The following PAK5 variants were observed in gnomAD, a reference collection of about 807,000 sequenced individuals.
The protein encoded by PAK5 is p21 (RAC1) activated kinase 5.
PAK5 carries 16 observed loss-of-function variants against 65.9 expected under a neutral mutation model. The observed-to-expected ratio is 0.24, with a 90% CI of 0.16 to 0.37. The LOEUF (loss-of-function observed/expected upper bound fraction) is 0.37, where lower values mean the gene tolerates loss of function less well. PAK5 is among the 10% of genes least tolerant of loss of function. The probability of loss-of-function intolerance (pLI) is 1.00; values close to 1 mark genes in which losing one functional copy is unlikely to be tolerated. For synonymous variants in PAK5, 371 were observed against 354.9 expected (o/e 1.05, Z -0.51); for missense variants, 785 against 903.9 (o/e 0.87, Z 1.69).
chr20:9,575,991 TTA>T (rs536041521), intron 4 of PAK5, among the ~76,000 whole-genome samples: 63 of 152,286 alleles, frequency 4.1e-4, no homozygotes, highest in African/African-American at 1.5e-3. Flanking sequence ...ATTGCAAAGA[TTA>T]AGTTGAGTCA....
chr20:9,696,516 A>G (rs2047871904), intron 2 of PAK5, among the ~76,000 whole-genome samples: 1 of 152,124 alleles, frequency 6.6e-6, no homozygotes, highest in Non-Finnish European at 1.5e-5. Flanking sequence ...ATCATCTCAC[A>G]TCTTCCAAAT....
chr20:9,566,132 T>A lies in PAK5; in HGVS notation c.1243A>T (p.Ser415Cys). 2 of 1,613,858 alleles carry A rather than the reference T, an allele frequency of 1.2e-6. No homozygotes were observed. Among genetic ancestry groups the A allele is most frequent in the South Asian group, 2.2e-5 (2 of 91,074 alleles). ...TGCTGGTCGGAGGAGGAGCCCCAGC[T>A]GGGCGGCGGGTAGGTGCTGGATGAG... is the stretch of plus-strand genomic sequence containing the variant. ...SLSSSTYPPP[S>C]WGSSSDQQPS... Residue 415 changes from serine to cysteine, a missense_variant, in exon 5 of 10, where the codon AGC becomes TGC. Coordinates refer to ENST00000353224, the MANE Select transcript of PAK5 (RefSeq NM_177990.4).
At chr20:9,821,936 T>A (rs886504025) in intron 1 of PAK5, among the ~76,000 whole-genome samples, 1 of 152,176 alleles carries the variant, frequency 6.6e-6, no homozygotes. Context: ...TTTTTGGGGA[T>A]ATAGAGTTCC....
At chr20:9,747,895 T>C (rs1452507873) in intron 1 of PAK5, among the ~76,000 whole-genome samples, 6 of 151,632 alleles carry the variant, frequency 4.0e-5, no homozygotes, top group Admixed American at 3.3e-4. Flanking sequence ...GAAGTCAAAT[T>C]GTCCCTGTTT....
intron 1 of PAK5, among the ~76,000 whole-genome samples, chr20:9,810,647 A>G (rs2049288115): frequency 6.6e-6 from 1 of 152,250 alleles, no homozygotes; most frequent in South Asian, 2.1e-4. Flanking sequence ...CCAAATTTAA[A>G]TAATACTTTG....
rs74715495 is a variant in PAK5, at chr20:9,588,706, T to C, written c.205-7776A>G. Among the ~76,000 whole-genome samples the C allele has an allele frequency of 3.0e-3, 457 of 152,222 alleles. 2 individuals carry two copies. Among genetic ancestry groups the C allele is most frequent in the African/African-American group, 0.011 (440 of 41,534 alleles). ...TCTCTGGTGTTCATTAAAGCAAAAT[T>C]GTGCACTTTTATAGAGATCAATAAT... On this transcript the variant is annotated intron_variant, in intron 3 of 9. Coordinates refer to ENST00000353224, the MANE Select transcript of PAK5 (RefSeq NM_177990.4).
At chr20:9,620,491 A>T (rs1053243654) in intron 3 of PAK5, among the ~76,000 whole-genome samples, 25 of 152,284 alleles carry the variant, frequency 1.6e-4, no homozygotes. Context: ...GGGCAGTTGG[A>T]CCAGCAAGGC....
chr20:9,712,948 T>C (rs2048095420), intron 1 of PAK5, among the ~76,000 whole-genome samples: 1 of 152,094 alleles, frequency 6.6e-6, no homozygotes, highest in South Asian at 2.1e-4. Context: ...TTACAAGACA[T>C]TGGTCTAGGC....
intron 7 of PAK5, among the ~76,000 whole-genome samples, chr20:9,554,897 C>A (rs977851574): frequency 2.5e-4 from 38 of 152,134 alleles, no homozygotes; most frequent in African/African-American, 8.9e-4. Flanking sequence ...GCCACAGGGT[C>A]CAGTCCCCCA....
At chr20:9,607,901 G>C (rs1427280659) in intron 3 of PAK5, among the ~76,000 whole-genome samples, 1 of 152,150 alleles carries the variant, frequency 6.6e-6, no homozygotes, top group Non-Finnish European at 1.5e-5. Context: ...AGTCGATTTA[G>C]ACTGCTTTAA....
chr20:9,659,748 GTTTC>G (rs1285142502), intron 2 of PAK5, among the ~76,000 whole-genome samples: 2 of 152,056 alleles, frequency 1.3e-5, no homozygotes, highest in African/African-American at 4.8e-5. Flanking sequence ...GGTTTTGTTT[GTTTC>G]TTTCTTTTAA....
chr20:9,613,293 C>G (rs1360779789), intron 3 of PAK5, among the ~76,000 whole-genome samples: 1 of 152,232 alleles, frequency 6.6e-6, no homozygotes, highest in Non-Finnish European at 1.5e-5. Flanking sequence ...GCAAACTGCT[C>G]CTCCAAATTT....
At chr20:9,565,810 C>T (rs2045665964) in intron 5 of PAK5, 83 bp downstream of exon 5, 28 of 1,369,100 alleles carry the variant, frequency 2.0e-5, no homozygotes, top group South Asian at 9.5e-5. Context: ...TTCTAATGTC[C>T]TAAAATGTAC....
intron 7 of PAK5, among the ~76,000 whole-genome samples, chr20:9,556,350 T>C (rs894371633): frequency 6.6e-6 from 1 of 152,214 alleles, no homozygotes; most frequent in Non-Finnish European, 1.5e-5. Context: ...TTACTACATT[T>C]TCTACAATAA....
chr20:9,585,370 C>T (rs2123040424), intron 3 of PAK5, among the ~76,000 whole-genome samples: 1 of 152,254 alleles, frequency 6.6e-6, no homozygotes, highest in South Asian at 2.1e-4. Context: ...GATTTGAACC[C>T]AAGTCTCCTT....
intron 4 of PAK5, among the ~76,000 whole-genome samples, chr20:9,571,325 C>T (rs1171939929): frequency 6.6e-6 from 1 of 152,178 alleles, no homozygotes; most frequent in Non-Finnish European, 1.5e-5. Flanking sequence ...ATCACCAGCC[C>T]ACACACTTTC....
intron 2 of PAK5, among the ~76,000 whole-genome samples, chr20:9,673,859 C>A (rs532304220): frequency 1.2e-4 from 18 of 152,258 alleles, no homozygotes; most frequent in African/African-American, 3.6e-4. Flanking sequence ...CCCTACCAAC[C>A]CCCAGCACTC....
At chr20:9,766,886 A>G (rs2048774250) in intron 1 of PAK5, among the ~76,000 whole-genome samples, 1 of 150,270 alleles carries the variant, frequency 6.7e-6, no homozygotes, top group Non-Finnish European at 1.5e-5. Flanking sequence ...GCCTAACAAT[A>G]TGTGCACAAT....
chr20:9,614,418 ATGGAAAGT>A (rs1440212268), intron 3 of PAK5, among the ~76,000 whole-genome samples: 1 of 152,248 alleles, frequency 6.6e-6, no homozygotes, highest in Non-Finnish European at 1.5e-5. Flanking sequence ...AAAGGAACAG[ATGGAAAGT>A]TGGAAACAAT....
Sources: gnomAD v4.1 joint callset for allele counts (sites outside exome capture counted in the v4.1 genomes callset) on GRCh38, gnomAD v4.1.1 for gene constraint, MANE v1.5 for transcripts, NCBI Gene and HGNC (gene_info 2026-07-23, HGNC 2026-07-21) for gene names.